ZC3H15: variants seen among roughly 807,000 people sequenced by gnomAD.
The protein encoded by ZC3H15 is zinc finger CCCH domain-containing protein 15.
Under a neutral mutation model 51.2 loss-of-function variants are expected in ZC3H15, and 15 were observed. That is an observed-to-expected ratio of 0.29 (90% confidence interval 0.20 to 0.45). ZC3H15 has a LOEUF of 0.45. Among genes scored for constraint, ZC3H15 ranks in the 20% least tolerant of loss-of-function variants. The probability of loss-of-function intolerance (pLI) is 1.00; values close to 1 mark genes in which losing one functional copy is unlikely to be tolerated. For missense variants in ZC3H15, 381 were observed against 494.7 expected, an observed-to-expected ratio of 0.77 and a Z score of 2.18; for synonymous variants, 144 against 162.8, an observed-to-expected ratio of 0.88 and a Z score of 0.88.
rs147963855 is a variant in ZC3H15, at chr2:186,497,016, A to G, written c.177+1682A>G. 4.1e-3 allele frequency: 1,386 copies of G among 337,798 alleles called. 6 individuals are homozygous for G. The highest frequency in any genetic ancestry group is 6.4e-3 in the Admixed American group (135 of 21,014). The allele number at this position is 337,798 out of a possible 1,614,324, so 20.9% of individuals were successfully genotyped here. On this transcript the variant is annotated intron_variant, in intron 2 of 9. Coordinates refer to ENST00000337859, the MANE Select transcript of ZC3H15 (RefSeq NM_018471.3). Reference sequence around the variant, plus strand: ...GCATTTATTCTTTCATACGAATTTTAAAATGAGTTTATCCATTGGCAACTC... The same window carrying G: ...GCATTTATTCTTTCATACGAATTTTGAAATGAGTTTATCCATTGGCAACTC...
chr2:186,497,727 G>A (rs1252403213), intron 2 of ZC3H15, among the ~76,000 whole-genome samples: 1 of 152,196 alleles, frequency 6.6e-6, no homozygotes, highest in Non-Finnish European at 1.5e-5. Flanking sequence ...CTAGTGGAAA[G>A]TGTTTTGAGT....
intron 2 of ZC3H15, among the ~76,000 whole-genome samples, chr2:186,496,377 C>T (rs1489721602): frequency 6.6e-6 from 1 of 152,186 alleles, no homozygotes; most frequent in African/African-American, 2.4e-5. Context: ...GACACCACAC[C>T]TAGCTAATTT....
At chr2:186,499,482 G>A in intron 2 of ZC3H15, 1 of 401,088 alleles carries the variant, frequency 2.5e-6, no homozygotes, top group Admixed American at 3.2e-5. Context: ...GTTTTCTCAG[G>A]TATATGGGCA....
intron 2 of ZC3H15, among the ~76,000 whole-genome samples, chr2:186,499,903 G>A (rs1298925494): frequency 6.6e-6 from 1 of 152,150 alleles, no homozygotes; most frequent in African/African-American, 2.4e-5. Context: ...AATATTGCAG[G>A]TGAAAACTAT....
At chr2:186,487,215 A>T (rs894190246) in intron 1 of ZC3H15, 1 of 152,180 alleles carries the variant, frequency 6.6e-6, no homozygotes, top group Admixed American at 6.5e-5. Flanking sequence ...CGTTTAACAC[A>T]TTGAGCCTGT....
chr2:186,508,198 C>T (rs935127856), intron 9 of ZC3H15, among the ~76,000 whole-genome samples: 1 of 152,080 alleles, frequency 6.6e-6, no homozygotes, highest in Non-Finnish European at 1.5e-5. Context: ...TTTCCATAAC[C>T]ATTTAGTCAA....
chr2:186,505,625 T>C, intron 7 of ZC3H15, 28 bp downstream of exon 7: 2 of 1,597,116 alleles, frequency 1.3e-6, no homozygotes, highest in Non-Finnish European at 1.7e-6. Context: ...CCAAACTGAT[T>C]CTTTATTCTT....
chr2:186,486,607 A>T, intron 1 of ZC3H15, 150 bp downstream of exon 1: 1 of 740,282 alleles, frequency 1.4e-6, no homozygotes, highest in Non-Finnish European at 2.0e-6. Flanking sequence ...CCAGCCCCTG[A>T]TGACGCTAGC....
At chr2:186,491,781 A>G (rs962723375) in intron 1 of ZC3H15, among the ~76,000 whole-genome samples, 1 of 152,122 alleles carries the variant, frequency 6.6e-6, no homozygotes, top group Admixed American at 6.6e-5. Context: ...TCAATAAAGT[A>G]TATATTCAGG....
chr2:186,501,279 A>C lies in ZC3H15; in HGVS notation c.296A>C (p.Asp99Ala), dbSNP rs756282148. The change falls in exon 4 of 10, where the codon GAT (aspartate) becomes GCT (alanine). Residue 99 changes from aspartate (D) to alanine (A), a missense_variant. Physicochemically the swap from Asp to Ala is moderately radical, Grantham distance 126. Around this residue, in one of 3 missense-constraint regions of ZC3H15, gnomAD observed 125 missense variants for 166.3 expected, o/e 0.75. Coordinates refer to ENST00000337859, the MANE Select transcript of ZC3H15 (RefSeq NM_018471.3). Reference sequence around the variant, plus strand: ...CATATGCCATTTGACATAGGTGCAGATCCCAAGTCTGTAGTATGTGCATTC... The same window carrying C: ...CATATGCCATTTGACATAGGTGCAGCTCCCAAGTCTGTAGTATGTGCATTC... ...VAAQKISKGA[D>A]PKSVVCAFFK... 5.6e-6 allele frequency: 9 copies of C among 1,605,510 alleles called. No homozygotes were observed. In the South Asian group the frequency reaches 1.0e-4, roughly 18 times the overall value.
intron 5 of ZC3H15, among the ~76,000 whole-genome samples, chr2:186,502,932 C>T (rs1223571663): frequency 6.6e-6 from 1 of 152,086 alleles, no homozygotes; most frequent in African/African-American, 2.4e-5. Context: ...AACTAACCCA[C>T]TTAATAATGT....
chr2:186,508,778 T>G lies in ZC3H15; in HGVS notation c.*45T>G. 1 of 1,570,552 alleles carries G rather than the reference T, an allele frequency of 6.4e-7. No individual in the cohort carries two copies. Among genetic ancestry groups the G allele is most frequent in the Non-Finnish European group, 8.7e-7 (1 of 1,145,384 alleles). ...AAAATTAAGTCAGCTCAGCACGAGT[T>G]GAAATTGACTACATTAATTTCTTTC... On this transcript the variant is annotated 3_prime_UTR_variant, in exon 10 of 10. Coordinates refer to ENST00000337859, the MANE Select transcript of ZC3H15 (RefSeq NM_018471.3).
At chr2:186,506,095 A>C (rs1685462823) in intron 8 of ZC3H15, 1 of 548,566 alleles carries the variant, frequency 1.8e-6, no homozygotes, top group South Asian at 1.9e-5. Flanking sequence ...GACAGTGCCT[A>C]GTATGTGGTT....
At chr2:186,508,193 A>G (rs564989401) in intron 9 of ZC3H15, among the ~76,000 whole-genome samples, 26 of 152,306 alleles carry the variant, frequency 1.7e-4, no homozygotes, top group African/African-American at 6.3e-4. Context: ...TTTGGTTTCC[A>G]TAACCATTTA....
chr2:186,506,953 G>C, intron 9 of ZC3H15, 117 bp downstream of exon 9: 1 of 1,142,990 alleles, frequency 8.7e-7, no homozygotes, highest in South Asian at 1.7e-5. Flanking sequence ...TAAATGTGTG[G>C]TTTGACCATA....
intron 1 of ZC3H15, among the ~76,000 whole-genome samples, chr2:186,494,621 A>T (rs1685252918): frequency 6.6e-6 from 1 of 152,194 alleles, no homozygotes; most frequent in Non-Finnish European, 1.5e-5. Flanking sequence ...ATCCCAATAT[A>T]AGAACTTTGC....
intron 7 of ZC3H15, 54 bp downstream of exon 7, chr2:186,505,651 G>C: frequency 1.2e-6 from 2 of 1,601,364 alleles, no homozygotes; most frequent in Non-Finnish European, 1.7e-6. Context: ...TTCAATTTCT[G>C]TGTCATGCAA....
At chr2:186,500,769 G>A (rs537854197) in intron 3 of ZC3H15, 2 of 449,288 alleles carry the variant, frequency 4.5e-6, no homozygotes, top group East Asian at 7.0e-5. Flanking sequence ...CCGACTGTCT[G>A]GTTCAAGCCA....
In ZC3H15 at chr2:186,486,410, G is replaced by T; in HGVS notation, c.28G>T (p.Gly10Trp). 1 of 1,559,074 alleles carries T rather than the reference G, an allele frequency of 6.4e-7. No individual in the cohort carries two copies. The highest frequency in any genetic ancestry group is 8.7e-7 in the Non-Finnish European group (1 of 1,149,764). Residue 10 changes from glycine (G) to tryptophan (W), a missense_variant, in exon 1 of 10, where the codon GGG (glycine) becomes TGG (tryptophan). Transcript: ENST00000337859. The stretch of plus-strand genomic sequence containing the variant: ...GCCCCCCAAGAAACAGGCTCAGGCC[G>T]GGGGCAGCAAAAAGGCGGAGCAAAA... Reference protein sequence around the residue: MPPKKQAQAGGSKKAEQKKK... With the variant: MPPKKQAQAWGSKKAEQKKK...
Sources: allele counts gnomAD v4.1 joint callset (sites outside exome capture counted in the v4.1 genomes callset), GRCh38; gene constraint gnomAD v4.1.1; regional missense constraint gnomAD v4.1.1; transcripts MANE v1.5; gene names NCBI Gene and HGNC (gene_info 2026-07-23, HGNC 2026-07-21).